Variants in TCF12 observed in about 807,000 individuals in gnomAD.
TCF12 encodes transcription factor 12.
A neutral mutation model predicts 86.0 loss-of-function variants in TCF12; 45 were observed. That is an observed-to-expected ratio of 0.52 (90% CI 0.41 to 0.67). The LOEUF (loss-of-function observed/expected upper bound fraction) is 0.67. Ranked by LOEUF, TCF12 falls within the 30% of genes least tolerant of loss-of-function variation. The probability of loss-of-function intolerance (pLI) is 0.00; values close to 1 mark genes in which losing one functional copy is unlikely to be tolerated. For synonymous variants in TCF12, 330 were observed against 299.6 expected, an observed-to-expected ratio of 1.10 and a Z score of -1.05; for missense variants, 881 against 859.9, an observed-to-expected ratio of 1.02 and a Z score of -0.31.
At chr15:57,071,323 G>T (rs1206725610) in intron 4 of TCF12, among the ~76,000 whole-genome samples, 1 of 151,826 alleles carries the variant, frequency 6.6e-6, no homozygotes, top group South Asian at 2.1e-4. Context: ...GAAGTGGGAG[G>T]ATTACATGAA....
chr15:57,203,322 A>G (rs2057649077), intron 8 of TCF12, among the ~76,000 whole-genome samples: 1 of 152,080 alleles, frequency 6.6e-6, no homozygotes, highest in Non-Finnish European at 1.5e-5. Flanking sequence ...CATTTCTCAG[A>G]TGCAGAAAAG....
intron 3 of TCF12, among the ~76,000 whole-genome samples, chr15:56,984,287 T>TGTGTGC (rs1235231223): frequency 6.6e-6 from 1 of 150,418 alleles, no homozygotes; most frequent in East Asian, 2.0e-4. Flanking sequence ...TGTGTGTGTG[T>TGTGTGC]GTGTGTGAAG....
chr15:56,975,623 A>G (rs2062557061), intron 3 of TCF12, among the ~76,000 whole-genome samples: 1 of 149,522 alleles, frequency 6.7e-6, no homozygotes, highest in African/African-American at 2.5e-5. Flanking sequence ...CATATGCTAA[A>G]AACTAGGGGT....
intron 3 of TCF12, among the ~76,000 whole-genome samples, chr15:56,925,434 C>CT (rs1396462176): frequency 6.6e-6 from 1 of 152,124 alleles, no homozygotes; most frequent in Non-Finnish European, 1.5e-5. Context: ...TTTGCTATAT[C>CT]TTTGAGTTTT....
chr15:57,222,406 A>G (rs2058640640), intron 8 of TCF12, among the ~76,000 whole-genome samples: 1 of 151,984 alleles, frequency 6.6e-6, no homozygotes. Context: ...GTAGGTGTAG[A>G]AAAGAAAAGC....
intron 19 of TCF12, among the ~76,000 whole-genome samples, chr15:57,278,132 C>T (rs1188741834): frequency 6.6e-6 from 1 of 151,910 alleles, no homozygotes; most frequent in Non-Finnish European, 1.5e-5. Flanking sequence ...ACACCTGGCT[C>T]GTGTATATTT....
intron 8 of TCF12, among the ~76,000 whole-genome samples, chr15:57,211,719 C>T (rs1348605319): frequency 3.0e-4 from 46 of 152,280 alleles, no homozygotes; most frequent in Admixed American, 2.6e-3. Flanking sequence ...TTTGGGAAGT[C>T]GAGGCTGGCA....
intron 3 of TCF12, among the ~76,000 whole-genome samples, chr15:56,972,252 T>C (rs539371770): frequency 6.6e-6 from 1 of 152,238 alleles, no homozygotes; most frequent in Non-Finnish European, 1.5e-5. Flanking sequence ...CTAACAGAAC[T>C]GCATATGCAT....
At chr15:56,945,564 G>C (rs1387901469) in intron 3 of TCF12, among the ~76,000 whole-genome samples, 1 of 151,722 alleles carries the variant, frequency 6.6e-6, no homozygotes, top group African/African-American at 2.4e-5. Flanking sequence ...TGATGAAATA[G>C]TGTCTTTCCA....
At chr15:57,117,928 A>AGG (rs142759762) in intron 5 of TCF12, among the ~76,000 whole-genome samples, 12 of 151,774 alleles carry the variant, frequency 7.9e-5, no homozygotes, top group African/African-American at 2.9e-4. Context: ...TAGAAATATA[A>AGG]GGGGGGGGAA....
At chr15:57,145,008 A>G (rs532539504) in intron 5 of TCF12, among the ~76,000 whole-genome samples, 1 of 152,356 alleles carries the variant, frequency 6.6e-6, no homozygotes, top group African/African-American at 2.4e-5. Flanking sequence ...ATGAGCATTT[A>G]AAAATACTTT....
chr15:56,958,661 A>AAG (rs768375451), intron 3 of TCF12, among the ~76,000 whole-genome samples: 145 of 119,088 alleles, frequency 1.2e-3, no homozygotes, highest in East Asian at 8.9e-3. Flanking sequence ...GTATATGAGA[A>AAG]AGAGAGAGAG....
At chr15:57,280,093 C>T (rs929843590) in intron 19 of TCF12, among the ~76,000 whole-genome samples, 1 of 152,008 alleles carries the variant, frequency 6.6e-6, no homozygotes, top group Admixed American at 6.6e-5. Flanking sequence ...TCGGGTTTCA[C>T]CATGCAGGCT....
intron 8 of TCF12, among the ~76,000 whole-genome samples, chr15:57,200,086 A>G (rs1248893816): frequency 7.3e-6 from 1 of 136,918 alleles, no homozygotes; most frequent in Non-Finnish European, 1.5e-5. Flanking sequence ...GTCTCTGTCC[A>G]GGCCAGGATG....
At chr15:57,151,564 A>G (rs1361797728) in intron 5 of TCF12, among the ~76,000 whole-genome samples, 1 of 152,124 alleles carries the variant, frequency 6.6e-6, no homozygotes, top group African/African-American at 2.4e-5. Flanking sequence ...CAAGAGATCG[A>G]GACCAGCCTG....
chr15:57,181,522 C>A (rs534072266), intron 6 of TCF12, among the ~76,000 whole-genome samples: 6 of 150,404 alleles, frequency 4.0e-5, no homozygotes, highest in African/African-American at 1.2e-4. Flanking sequence ...TTTAGAGTAC[C>A]TTCTAATATA....
chr15:56,939,308 T>G (rs1305829121), intron 3 of TCF12, among the ~76,000 whole-genome samples: 1 of 152,156 alleles, frequency 6.6e-6, no homozygotes, highest in Admixed American at 6.5e-5. Context: ...TTTTAACCAC[T>G]GAAGACAGAG....
downstream of TCF12, chr15:57,291,206 A>G (rs1475650460): frequency 6.6e-6 from 1 of 151,942 alleles, no homozygotes; most frequent in African/African-American, 2.4e-5. Flanking sequence ...TGGCCTTTAT[A>G]TAAAAGGGCA....
chr15:56,937,030 A>G (rs1406922237), intron 3 of TCF12, among the ~76,000 whole-genome samples: 1 of 152,066 alleles, frequency 6.6e-6, no homozygotes, highest in African/African-American at 2.4e-5. Flanking sequence ...TTTGATGGGA[A>G]TTGCATTGAA....
Sources: gnomAD v4.1 joint callset for allele counts (sites outside exome capture counted in the v4.1 genomes callset) on GRCh38, gnomAD v4.1.1 for gene constraint, MANE v1.5 for transcripts, NCBI Gene and HGNC (gene_info 2026-07-23, HGNC 2026-07-21) for gene names.